The following B3GALT1 variants were observed in gnomAD, a reference collection of about 807,000 sequenced individuals.
The protein encoded by B3GALT1 is beta-1,3-galactosyltransferase 1, also known as UDP-Gal:betaGlcNAc beta 1,3-galactosyltransferase, polypeptide 1.
In B3GALT1, 10 loss-of-function variants were observed where a neutral mutation model predicts 23.2. The ratio of observed to expected loss-of-function variants is 0.43; its 90% CI spans 0.27 to 0.73. The LOEUF is 0.73. Ranked by LOEUF, B3GALT1 falls within the 30% of genes least tolerant of loss-of-function variation. B3GALT1 has a pLI of 0.21. For synonymous variants in B3GALT1, 156 were observed against 141.5 expected (o/e 1.10, Z -0.73); for missense variants, 299 against 405.4 (o/e 0.74, Z 2.25).
At chr2:167,625,167 C>A (rs1255937101) in intron 2 of B3GALT1, among the ~76,000 whole-genome samples, 2 of 151,820 alleles carry the variant, frequency 1.3e-5, no homozygotes, top group Non-Finnish European at 2.9e-5. Context: ...AAAGTATAAA[C>A]CCTTCCCTCT....
intron 3 of B3GALT1, among the ~76,000 whole-genome samples, chr2:167,694,302 GTGGAGT>G: frequency 6.6e-6 from 1 of 152,200 alleles, no homozygotes; most frequent in Non-Finnish European, 1.5e-5. Flanking sequence ...TTTACTTTCT[GTGGAGT>G]TGAATGATAA....
At position 167,868,924 on chromosome 2, in the gene B3GALT1, G is replaced by C; in HGVS notation, c.-116G>C. 1 of 1,269,344 alleles carries C rather than the reference G, an allele frequency of 7.9e-7. No individual in the cohort carries two copies. 78.6% of individuals were successfully genotyped at this position (1,269,344 alleles called of 1,614,324 possible). A position where few individuals can be genotyped will look rare whatever the true frequency, so the allele number is the denominator to read the frequency against. Reference sequence around the variant, plus strand: ...GGCCCATGGACAATCTCCACCTCACGCTTCTCTATCAAACTTGAAGATTTA... The same window carrying C: ...GGCCCATGGACAATCTCCACCTCACCCTTCTCTATCAAACTTGAAGATTTA... On this transcript the variant is annotated 5_prime_UTR_variant, in exon 5 of 5. Coordinates refer to ENST00000392690, the MANE Select transcript of B3GALT1 (RefSeq NM_020981.4).
intron 2 of B3GALT1, among the ~76,000 whole-genome samples, chr2:167,634,344 A>G (rs1376162855): frequency 6.6e-6 from 1 of 152,116 alleles, no homozygotes; most frequent in Non-Finnish European, 1.5e-5. Context: ...AGAAATAACT[A>G]AGATCAGACC....
rs1222435932 is a variant in B3GALT1, at chr2:167,874,015, C to G, written c.*3995C>G. The G allele has an allele frequency of 6.6e-6, 1 of 152,132 alleles. No individual in the cohort carries two copies. The highest frequency in any genetic ancestry group is 1.5e-5 in the Non-Finnish European group (1 of 68,014). 9.4% of individuals were successfully genotyped at this position (152,132 alleles called of 1,614,324 possible). On this transcript the variant is annotated 3_prime_UTR_variant, in exon 5 of 5. Coordinates refer to ENST00000392690, the MANE Select transcript of B3GALT1 (RefSeq NM_020981.4). ...TTCCATAAAGCTGATTTTTTTAAAC[C>G]ATTGGGACAAATAAACAGAAGGAGA...
chr2:167,382,584 C>T (rs1252510129), intron 1 of B3GALT1, among the ~76,000 whole-genome samples: 1 of 152,082 alleles, frequency 6.6e-6, no homozygotes, highest in African/African-American at 2.4e-5. Flanking sequence ...GAAATCAGTA[C>T]TTTTCAAAAA....
chr2:167,718,225 G>A (rs1305325714), intron 3 of B3GALT1, among the ~76,000 whole-genome samples: 5 of 152,024 alleles, frequency 3.3e-5, no homozygotes, highest in African/African-American at 4.8e-5. Flanking sequence ...TCTTGCAAGA[G>A]TTGTGTTAAA....
At chr2:167,817,107 G>A (rs947115608) in intron 3 of B3GALT1, among the ~76,000 whole-genome samples, 1 of 152,160 alleles carries the variant, frequency 6.6e-6, no homozygotes, top group Non-Finnish European at 1.5e-5. Context: ...CAAATGACAA[G>A]GCACTGGAGA....
At chr2:167,546,435 G>C (rs534146982) in intron 2 of B3GALT1, among the ~76,000 whole-genome samples, 3 of 152,050 alleles carry the variant, frequency 2.0e-5, no homozygotes, top group African/African-American at 4.8e-5. Context: ...CAACTGATAA[G>C]GTATGTCCTA....
chr2:167,587,909 T>C (rs1317947122), intron 2 of B3GALT1, among the ~76,000 whole-genome samples: 2 of 152,208 alleles, frequency 1.3e-5, no homozygotes, highest in Admixed American at 1.3e-4. Context: ...TTACTGTCCT[T>C]TAGAAACAGA....
chr2:167,449,494 G>A (rs1053558916), intron 1 of B3GALT1, among the ~76,000 whole-genome samples: 6 of 152,120 alleles, frequency 3.9e-5, no homozygotes, highest in African/African-American at 1.4e-4. Flanking sequence ...GAACTTTTTG[G>A]AAAAGTCTTT....
At chr2:167,641,687 T>C (rs2105455811) in intron 2 of B3GALT1, among the ~76,000 whole-genome samples, 1 of 152,298 alleles carries the variant, frequency 6.6e-6, no homozygotes, top group South Asian at 2.1e-4. Flanking sequence ...CATTACAGTC[T>C]CCTGGTTCCC....
chr2:167,789,788 C>G (rs1017951977), intron 3 of B3GALT1, among the ~76,000 whole-genome samples: 4 of 152,120 alleles, frequency 2.6e-5, no homozygotes, highest in Non-Finnish European at 1.5e-5. Context: ...CCTCCTCCCC[C>G]ACAGCCCCCA....
chr2:167,314,946 C>A (rs1483962197), intron 1 of B3GALT1, among the ~76,000 whole-genome samples: 2 of 152,138 alleles, frequency 1.3e-5, no homozygotes, highest in East Asian at 3.9e-4. Flanking sequence ...AGAGCTGTTT[C>A]ATGGCTCAGC....
intron 1 of B3GALT1, among the ~76,000 whole-genome samples, chr2:167,306,392 TATAA>T (rs1696552459): frequency 6.6e-6 from 1 of 152,092 alleles, no homozygotes; most frequent in African/African-American, 2.4e-5. Flanking sequence ...ACACTGAAAT[TATAA>T]ATATGTTGTA....
At chr2:167,635,298 G>A (rs993455705) in intron 2 of B3GALT1, among the ~76,000 whole-genome samples, 3 of 152,066 alleles carry the variant, frequency 2.0e-5, no homozygotes, top group Admixed American at 1.3e-4. Flanking sequence ...ACAAGACAAC[G>A]ATGCCCTCTC....
intron 3 of B3GALT1, among the ~76,000 whole-genome samples, 95 bp downstream of exon 3, chr2:167,647,061 C>T (rs1342672355): frequency 6.6e-6 from 1 of 152,002 alleles, no homozygotes; most frequent in Non-Finnish European, 1.5e-5. Flanking sequence ...TAGAAAATTG[C>T]CTTTATTAGA....
intron 3 of B3GALT1, among the ~76,000 whole-genome samples, chr2:167,814,617 G>T (rs988627302): frequency 1.3e-5 from 2 of 152,124 alleles, no homozygotes; most frequent in African/African-American, 4.8e-5. Context: ...AATTAGCCAG[G>T]CTTGGTGGTA....
chr2:167,837,179 A>G (rs1162595640), intron 4 of B3GALT1, among the ~76,000 whole-genome samples: 1 of 152,248 alleles, frequency 6.6e-6, no homozygotes, highest in Non-Finnish European at 1.5e-5. Context: ...ACATAACAAT[A>G]TTAACTTTAA....
intron 2 of B3GALT1, among the ~76,000 whole-genome samples, chr2:167,577,960 T>C (rs985562400): frequency 1.3e-5 from 2 of 151,958 alleles, no homozygotes; most frequent in Non-Finnish European, 2.9e-5. Context: ...ACTTGTCAAG[T>C]TGTCCTTGAA....
Sources: allele counts gnomAD v4.1 joint callset (sites outside exome capture counted in the v4.1 genomes callset), GRCh38; gene constraint gnomAD v4.1.1; transcripts MANE v1.5; gene names NCBI Gene and HGNC (gene_info 2026-07-23, HGNC 2026-07-21).